The following ADAMTS12 variants were observed in gnomAD, a reference collection of about 807,000 sequenced individuals.
ADAMTS12 encodes A disintegrin and metalloproteinase with thrombospondin motifs 12.
Under a neutral mutation model 167.8 loss-of-function variants are expected in ADAMTS12, and 118 were observed. The ratio of observed to expected loss-of-function variants is 0.70; its 90% CI spans 0.61 to 0.82. The LOEUF (loss-of-function observed/expected upper bound fraction) is 0.82, where lower values mean the gene tolerates loss of function less well. ADAMTS12 is among the 40% of genes least tolerant of loss of function. The pLI is 0.00. For synonymous variants in ADAMTS12, 704 were observed against 716.9 expected, an observed-to-expected ratio of 0.98 and a Z score of 0.29; for missense variants, 1,916 against 1,998.8, an observed-to-expected ratio of 0.96 and a Z score of 0.79.
chr5:33,550,019 A>G (rs102940), intron 20 of ADAMTS12, among the ~76,000 whole-genome samples: 54,527 of 152,046 alleles, frequency 0.36, 13,679 homozygotes, highest in African/African-American at 0.69. Flanking sequence ...CTCCTGCAGC[A>G]CCATCACGTG....
chr5:33,576,137 C>T lies in ADAMTS12; in HGVS notation c.3889G>A (p.Gly1297Ser), dbSNP rs1247034076. The change falls in exon 19 of 24, where the codon GGC (glycine) becomes AGC (serine). Residue 1297 changes from glycine (G) to serine (S), a missense_variant. Physicochemically the swap from Gly to Ser is moderately conservative, Grantham distance 56 (BLOSUM62 0). Coordinates refer to ENST00000504830, the MANE Select transcript of ADAMTS12 (RefSeq NM_030955.4). Reference protein sequence around the residue: ...EEDATSLITEGFLLNASNYKQ... With the variant: ...EEDATSLITESFLLNASNYKQ... ...TAATTGGAGGCATTTAGCAAAAAGC[C>T]CTCAGTAATCAGACTTGTTGCATCC... The T allele has an allele frequency of 5.6e-6, 9 of 1,614,180 alleles. No individual in the cohort carries two copies. Among genetic ancestry groups the T allele is most frequent in the African/African-American group, 2.7e-5 (2 of 75,030 alleles).
At chr5:33,573,382 G>A (rs1250473497) in intron 19 of ADAMTS12, among the ~76,000 whole-genome samples, 1 of 152,120 alleles carries the variant, frequency 6.6e-6, no homozygotes, top group African/African-American at 2.4e-5. Flanking sequence ...AAACAGCATG[G>A]TACTGGTACC....
At chr5:33,823,110 A>C (rs1747923840) in intron 2 of ADAMTS12, among the ~76,000 whole-genome samples, 2 of 151,672 alleles carry the variant, frequency 1.3e-5, no homozygotes, top group Admixed American at 6.6e-5. Flanking sequence ...AAAAAAAAGA[A>C]AGAAAAAGAA....
chr5:33,695,998 A>T (rs1176634290), intron 3 of ADAMTS12, among the ~76,000 whole-genome samples: 2 of 152,214 alleles, frequency 1.3e-5, no homozygotes, highest in Non-Finnish European at 2.9e-5. Context: ...GACGAGTCCC[A>T]TAGTGTCCCT....
At chr5:33,846,705 C>T (rs533999381) in intron 2 of ADAMTS12, among the ~76,000 whole-genome samples, 4 of 152,150 alleles carry the variant, frequency 2.6e-5, no homozygotes, top group Non-Finnish European at 5.9e-5. Context: ...TAGTAAACAC[C>T]TTGCAGAACA....
intron 3 of ADAMTS12, among the ~76,000 whole-genome samples, chr5:33,686,169 C>T (rs567391259): frequency 1.3e-5 from 2 of 152,302 alleles, no homozygotes; most frequent in South Asian, 4.2e-4. Flanking sequence ...AGTTTTCTCA[C>T]CCAGTGCCCT....
At chr5:33,826,529 C>T (rs1252111723) in intron 2 of ADAMTS12, among the ~76,000 whole-genome samples, 1 of 150,150 alleles carries the variant, frequency 6.7e-6, no homozygotes, top group Non-Finnish European at 1.5e-5. Context: ...TATATATATG[C>T]TTTTAAGTCT....
At chr5:33,658,419 T>C in intron 6 of ADAMTS12, 86 bp from the exon 7 acceptor site, 1 of 1,503,276 alleles carries the variant, frequency 6.7e-7, no homozygotes. Flanking sequence ...TAAACTCACA[T>C]TCAATATGGT....
chr5:33,526,666 A>G lies in ADAMTS12; in HGVS notation c.*522T>C, dbSNP rs1190648768. 6.5e-6 allele frequency: 1 copy of G among 153,500 alleles called. No individual in the cohort carries two copies. The highest frequency in any genetic ancestry group is 1.4e-5 in the Non-Finnish European group (1 of 69,034). The allele number at this position is 153,500 out of a possible 1,614,324, so 9.5% of individuals were successfully genotyped here. ...TGCCCTAGTTGAACATGGGGTGAAG[A>G]AAGCAGTCCTCTGCCTGGATGAATT... On this transcript the variant is annotated 3_prime_UTR_variant, in exon 24 of 24. Transcript: ENST00000504830.
chr5:33,879,054 A>G (rs1750330927), intron 2 of ADAMTS12, among the ~76,000 whole-genome samples: 1 of 152,170 alleles, frequency 6.6e-6, no homozygotes, highest in South Asian at 2.1e-4. Context: ...TAAGGGATAT[A>G]GGTTTCTTTG....
chr5:33,749,202 C>T (rs1744891335), intron 3 of ADAMTS12, among the ~76,000 whole-genome samples: 1 of 152,078 alleles, frequency 6.6e-6, no homozygotes, highest in African/African-American at 2.4e-5. Flanking sequence ...TACACACTGA[C>T]TGGGGAGGGA....
intron 3 of ADAMTS12, among the ~76,000 whole-genome samples, chr5:33,737,125 G>A (rs1054290450): frequency 3.3e-5 from 5 of 152,164 alleles, no homozygotes; most frequent in African/African-American, 9.7e-5. Context: ...TGTTTGCTCT[G>A]GTCAGAATCT....
At chr5:33,588,855 A>C (rs765414663) in intron 17 of ADAMTS12, 46 bp from the exon 18 acceptor site, 2 of 1,600,112 alleles carry the variant, frequency 1.2e-6, no homozygotes, top group Non-Finnish European at 1.7e-6. Flanking sequence ...CAACTTACGC[A>C]TATGTTCCAT....
intron 16 of ADAMTS12, among the ~76,000 whole-genome samples, chr5:33,602,701 C>T (rs1456743487): frequency 6.6e-6 from 1 of 152,196 alleles, no homozygotes; most frequent in South Asian, 2.1e-4. Context: ...TTATGAATCT[C>T]GTGCTTTACC....
rs1342303695 is a variant in ADAMTS12 at position 33,561,169 on chromosome 5, G to A, written c.3983C>T (p.Thr1328Ile). ...IVGNWSECSTTCGLGAYWRRV... is the reference protein window; with the variant it reads ...IVGNWSECSTICGLGAYWRRV... Reference sequence around the variant, plus strand: ...TCTCCAGTAGGCCCCCAGGCCACATGTGGTGGAGCACTGTAGCAGGGAAGG... The same window carrying A: ...TCTCCAGTAGGCCCCCAGGCCACATATGGTGGAGCACTGTAGCAGGGAAGG... Residue 1328 changes from threonine to isoleucine, a missense_variant, in exon 20 of 24, where the codon ACA becomes ATA. Transcript: ENST00000504830. The A allele has an allele frequency of 6.2e-7, 1 of 1,613,818 alleles. No homozygotes were observed. Among genetic ancestry groups the A allele is most frequent in the Non-Finnish European group, 8.5e-7 (1 of 1,179,998 alleles).
chr5:33,807,908 CCT>C (rs1373741116), intron 2 of ADAMTS12, among the ~76,000 whole-genome samples: 4 of 152,052 alleles, frequency 2.6e-5, no homozygotes, highest in Non-Finnish European at 5.9e-5. Context: ...TAAGTGTGGG[CCT>C]CTCAGGAAAT....
At chr5:33,545,041 G>A (rs924292035) in intron 22 of ADAMTS12, among the ~76,000 whole-genome samples, 5 of 152,108 alleles carry the variant, frequency 3.3e-5, no homozygotes, top group Non-Finnish European at 7.4e-5. Context: ...GCTTCTGCAT[G>A]GCAAACAAAA....
chr5:33,653,831 T>A (rs979648899), intron 7 of ADAMTS12, among the ~76,000 whole-genome samples: 11 of 152,208 alleles, frequency 7.2e-5, no homozygotes, highest in African/African-American at 1.4e-4. Context: ...TTCTTAAATA[T>A]GTGGGTTTAT....
intron 2 of ADAMTS12, among the ~76,000 whole-genome samples, chr5:33,857,825 G>A (rs78487081): frequency 2.0e-4 from 31 of 152,332 alleles, no homozygotes; most frequent in Non-Finnish European, 3.2e-4. Context: ...AATCCCAAAT[G>A]TATATGCATC....
Sources: gnomAD v4.1 joint callset for allele counts (sites outside exome capture counted in the v4.1 genomes callset) on GRCh38, gnomAD v4.1.1 for gene constraint, MANE v1.5 for transcripts, NCBI Gene and HGNC (gene_info 2026-07-23, HGNC 2026-07-21) for gene names.